The following CHRNA7 variants were observed in gnomAD, a reference collection of about 807,000 sequenced individuals.
The protein encoded by CHRNA7 is cholinergic receptor nicotinic alpha 7 subunit.
In CHRNA7, 17 loss-of-function variants were observed where a neutral mutation model predicts 48.0. The ratio of observed to expected loss-of-function variants is 0.35; its 90% CI spans 0.24 to 0.53. CHRNA7 has a LOEUF of 0.53. Among genes scored for constraint, CHRNA7 ranks in the 20% least tolerant of loss-of-function variants. CHRNA7 has a pLI of 0.92. For synonymous variants in CHRNA7, 75 were observed against 242.3 expected, an observed-to-expected ratio of 0.31 and a Z score of 6.41; for missense variants, 155 against 577.7, an observed-to-expected ratio of 0.27 and a Z score of 7.50.
At chr15:32,121,627 G>A (rs1255355640) in intron 4 of CHRNA7, among the ~76,000 whole-genome samples, 1 of 152,190 alleles carries the variant, frequency 6.6e-6, no homozygotes, top group African/African-American at 2.4e-5. Flanking sequence ...CCAGTGGGAG[G>A]GTGTGGGCAA....
intron 2 of CHRNA7, among the ~76,000 whole-genome samples, chr15:32,047,898 C>G (rs2049584837): frequency 1.3e-5 from 2 of 152,228 alleles, no homozygotes; most frequent in Middle Eastern, 3.4e-3. Flanking sequence ...TGAATTTTGT[C>G]AAAGGCCTTT....
chr15:32,109,647 A>G (rs982633431), intron 3 of CHRNA7, among the ~76,000 whole-genome samples: 27 of 152,240 alleles, frequency 1.8e-4, no homozygotes, highest in Admixed American at 1.8e-3. Flanking sequence ...GCTTAAAGTC[A>G]AATAACACAG....
chr15:32,043,993 G>T (rs982904871), intron 2 of CHRNA7, among the ~76,000 whole-genome samples: 1 of 152,074 alleles, frequency 6.6e-6, no homozygotes, highest in African/African-American at 2.4e-5. Flanking sequence ...GTCTATAGTC[G>T]ATTACCCTAG....
At chr15:32,065,512 A>C (rs1434948721) in intron 2 of CHRNA7, among the ~76,000 whole-genome samples, 1 of 152,244 alleles carries the variant, frequency 6.6e-6, no homozygotes, top group African/African-American at 2.4e-5. Context: ...ATATCAACTG[A>C]GGAAGATAAT....
chr15:32,125,837 A>G (rs904951), intron 4 of CHRNA7, among the ~76,000 whole-genome samples: 86,933 of 151,972 alleles, frequency 0.57, 25,534 homozygotes, highest in African/African-American at 0.7. Context: ...CCTGCTGGGC[A>G]TGAATGCCAG....
intron 4 of CHRNA7, among the ~76,000 whole-genome samples, chr15:32,125,167 T>G (rs2051044393): frequency 6.7e-6 from 1 of 149,888 alleles, no homozygotes. Context: ...CTGACAAACT[T>G]TGAACTAATA....
Position 32,031,125 on chromosome 15 carries a change from A to G in CHRNA7, c.195+88A>G, listed in dbSNP as rs1223349795. ...ACAGCGTCGGGCGGCCAGGCGGTGG[A>G]GCTCGGCTGGGGCACTCTAGTTGGC... On this transcript the variant is annotated intron_variant, in intron 2 of 9. Coordinates refer to ENST00000306901, the MANE Select transcript of CHRNA7 (RefSeq NM_000746.6). 5.2e-6 allele frequency: 8 copies of G among 1,541,180 alleles called. No individual in the cohort carries two copies. The East Asian group carries it at 1.8e-4, about 35-fold the overall frequency.
chr15:32,098,993 A>G (rs1306153328), intron 2 of CHRNA7: 1 of 152,186 alleles, frequency 6.6e-6, no homozygotes, highest in African/African-American at 2.4e-5. Flanking sequence ...GAGGTGTTCC[A>G]TAAATGTTGC....
At chr15:32,037,149 AT>A (rs1204158879) in intron 2 of CHRNA7, among the ~76,000 whole-genome samples, 1 of 152,058 alleles carries the variant, frequency 6.6e-6, no homozygotes, top group East Asian at 1.9e-4. Flanking sequence ...TTTGCATGTG[AT>A]TGTCCAGTTG....
chr15:32,083,488 C>G lies in CHRNA7; in HGVS notation c.196-17815C>G, dbSNP rs573799275. ...CACAAAACAGACCAAGACACTTTAT[C>G]AAATTGCAAAGAAACATTGTTGTTC... is the stretch of plus-strand genomic sequence containing the variant. On this transcript the variant is annotated intron_variant, in intron 2 of 9. Transcript: ENST00000306901. Among the ~76,000 whole-genome samples the G allele has an allele frequency of 4.6e-5, 7 of 152,266 alleles. No homozygotes were observed. The East Asian group carries it at 1.4e-3, about 29-fold the overall frequency.
intron 2 of CHRNA7, among the ~76,000 whole-genome samples, chr15:32,072,165 A>C (rs933772953): frequency 1.3e-5 from 2 of 152,234 alleles, no homozygotes; most frequent in African/African-American, 4.8e-5. Flanking sequence ...GTTACACCCT[A>C]GCAGATAACT....
At chr15:32,144,208 G>T (rs558980581) in intron 4 of CHRNA7, among the ~76,000 whole-genome samples, 9 of 152,234 alleles carry the variant, frequency 5.9e-5, no homozygotes, top group Non-Finnish European at 8.8e-5. Context: ...GAAATTCTGG[G>T]TTGAAAATTC....
At position 32,084,365 on chromosome 15, in the gene CHRNA7, A is replaced by G. The variant is rs549380180; in HGVS notation, c.196-16938A>G. Among the ~76,000 whole-genome samples the G allele has an allele frequency of 3.9e-5, 6 of 152,324 alleles. No individual in the cohort carries two copies. In the South Asian group the frequency reaches 1.0e-3, roughly 26 times the overall value. ...TGACCCCAGCCTGGTTTCACAAGGT[A>G]GGACTTCCATTGAATTCTCTCTCAC... On this transcript the variant is annotated intron_variant, in intron 2 of 9. Coordinates refer to ENST00000306901, the MANE Select transcript of CHRNA7 (RefSeq NM_000746.6).
At chr15:32,123,193 T>C (rs1355343061) in intron 4 of CHRNA7, among the ~76,000 whole-genome samples, 1 of 152,218 alleles carries the variant, frequency 6.6e-6, no homozygotes, top group African/African-American at 2.4e-5. Flanking sequence ...AAATGGTTTT[T>C]GTTGGCAGGG....
At chr15:32,090,921 C>T (rs929081938) in intron 2 of CHRNA7, among the ~76,000 whole-genome samples, 1 of 152,030 alleles carries the variant, frequency 6.6e-6, no homozygotes, top group African/African-American at 2.4e-5. Flanking sequence ...TCGCATTTTC[C>T]ATCTCTTTAT....
At chr15:32,096,412 T>C (rs2050469696) in intron 2 of CHRNA7, among the ~76,000 whole-genome samples, 1 of 152,200 alleles carries the variant, frequency 6.6e-6, no homozygotes. Context: ...ACTATCTTGC[T>C]GACTCAGGGA....
chr15:32,138,062 A>G (rs1166560029), intron 4 of CHRNA7, among the ~76,000 whole-genome samples: 1 of 152,220 alleles, frequency 6.6e-6, no homozygotes, highest in African/African-American at 2.4e-5. Context: ...TCCAATGAAA[A>G]AAAGAAGGAG....
chr15:32,059,547 C>T (rs1308314662), intron 2 of CHRNA7, among the ~76,000 whole-genome samples: 1 of 152,084 alleles, frequency 6.6e-6, no homozygotes, highest in African/African-American at 2.4e-5. Context: ...GTCCTGGGCT[C>T]ACTGTGTGTA....
intron 2 of CHRNA7, among the ~76,000 whole-genome samples, chr15:32,060,922 T>A (rs2049868582): frequency 6.6e-6 from 1 of 152,178 alleles, no homozygotes; most frequent in African/African-American, 2.4e-5. Flanking sequence ...ACAGAGCACG[T>A]AGCCACAGGA....
Sources: gnomAD v4.1 joint callset for allele counts (sites outside exome capture counted in the v4.1 genomes callset) on GRCh38, gnomAD v4.1.1 for gene constraint, MANE v1.5 for transcripts, NCBI Gene and HGNC (gene_info 2026-07-23, HGNC 2026-07-21) for gene names.